Variants in CDH18 observed in about 807,000 individuals in gnomAD.
CDH18 encodes the protein cadherin 18.
CDH18 carries 31 observed loss-of-function variants against 67.9 expected under a neutral mutation model. The observed-to-expected ratio is 0.46, with a 90% CI of 0.34 to 0.62. CDH18 has a LOEUF of 0.62. Among genes scored for constraint, CDH18 ranks in the 20% least tolerant of loss-of-function variants. CDH18 has a pLI of 0.01. For synonymous variants in CDH18, 362 were observed against 347.2 expected, an observed-to-expected ratio of 1.04 and a Z score of -0.48; for missense variants, 890 against 975.5, an observed-to-expected ratio of 0.91 and a Z score of 1.17.
chr5:19,776,402 T>A (rs527263585), intron 3 of CDH18, among the ~76,000 whole-genome samples: 18 of 152,310 alleles, frequency 1.2e-4, no homozygotes, highest in Admixed American at 6.5e-4. Flanking sequence ...AAAGCATTGA[T>A]AACGGTCTGT....
intron 2 of CDH18, among the ~76,000 whole-genome samples, chr5:20,216,165 A>G (rs1371250798): frequency 6.6e-6 from 1 of 151,920 alleles, no homozygotes; most frequent in Non-Finnish European, 1.5e-5. Context: ...AACATGAAAG[A>G]TAAATGATCA....
intron 3 of CDH18, among the ~76,000 whole-genome samples, chr5:19,832,696 A>G (rs1313991752): frequency 6.6e-6 from 1 of 152,248 alleles, no homozygotes; most frequent in East Asian, 1.9e-4. Context: ...TCTTGAGTTA[A>G]TGTTCGTATA....
intron 3 of CDH18, among the ~76,000 whole-genome samples, chr5:19,748,573 A>T (rs1043894252): frequency 2.6e-5 from 4 of 152,262 alleles, no homozygotes; most frequent in African/African-American, 9.6e-5. Context: ...CCTTTATATT[A>T]AACCTTTTTG....
chr5:19,817,373 T>C (rs1779403155), intron 3 of CDH18, among the ~76,000 whole-genome samples: 1 of 151,922 alleles, frequency 6.6e-6, no homozygotes, highest in Non-Finnish European at 1.5e-5. Flanking sequence ...CAGAAATCTC[T>C]CCTACAGATA....
intron 7 of CDH18, among the ~76,000 whole-genome samples, chr5:19,582,105 T>G (rs928093300): frequency 6.6e-6 from 1 of 152,012 alleles, no homozygotes; most frequent in African/African-American, 2.4e-5. Flanking sequence ...TTCAAATAGC[T>G]TAAGTATACA....
intron 4 of CDH18, among the ~76,000 whole-genome samples, chr5:19,728,698 T>A (rs1027290149): frequency 6.6e-6 from 1 of 152,182 alleles, no homozygotes; most frequent in Non-Finnish European, 1.5e-5. Flanking sequence ...CTGCAAATTG[T>A]TATGCATGAC....
At chr5:19,919,092 T>C (rs1253586263) in intron 2 of CDH18, among the ~76,000 whole-genome samples, 2 of 151,976 alleles carry the variant, frequency 1.3e-5, no homozygotes, top group Non-Finnish European at 2.9e-5. Flanking sequence ...AGAAACCCCA[T>C]AGAAAACCCT....
intron 1 of CDH18, among the ~76,000 whole-genome samples, chr5:20,275,662 GAT>G (rs1266310499): frequency 6.6e-6 from 1 of 152,122 alleles, no homozygotes; most frequent in Non-Finnish European, 1.5e-5. Flanking sequence ...AGCCTTCACT[GAT>G]TAACCTCCCT....
intron 4 of CDH18, among the ~76,000 whole-genome samples, chr5:19,738,471 T>G (rs1349125210): frequency 1.3e-5 from 2 of 152,254 alleles, no homozygotes; most frequent in African/African-American, 2.4e-5. Context: ...GCCAAGAATC[T>G]CTGACTGGTT....
chr5:20,317,953 A>G lies in CDH18; in HGVS notation c.-579-62448T>C, dbSNP rs79408630. 5.3e-5 allele frequency among the ~76,000 whole-genome samples: 8 copies of G among 152,336 alleles called. No homozygotes were observed. The East Asian group carries it at 1.5e-3, about 29-fold the overall frequency. On this transcript the variant is annotated intron_variant, in intron 1 of 14. Transcript: ENST00000507958. Reference sequence around the variant, plus strand: ...TTCAACTAATTTTGTAAACTGCTGCATAGTATATTCTCTACTTGGACTTTA... The same window carrying G: ...TTCAACTAATTTTGTAAACTGCTGCGTAGTATATTCTCTACTTGGACTTTA...
At chr5:20,172,189 T>A (rs1736772124) in intron 2 of CDH18, among the ~76,000 whole-genome samples, 1 of 39,492 alleles carries the variant, frequency 2.5e-5, no homozygotes, top group African/African-American at 1.1e-4. Flanking sequence ...TAGCATTGTG[T>A]GTATATATAT....
chr5:19,586,385 G>C (rs575406234), intron 7 of CDH18, among the ~76,000 whole-genome samples: 1 of 151,790 alleles, frequency 6.6e-6, no homozygotes, highest in Non-Finnish European at 1.5e-5. Context: ...CTATAGGCCC[G>C]TGTGTGTTGT....
intron 3 of CDH18, among the ~76,000 whole-genome samples, chr5:19,769,297 C>A (rs772644290): frequency 2.3e-4 from 35 of 152,008 alleles, no homozygotes; most frequent in Non-Finnish European, 3.7e-4. Flanking sequence ...AAGCCAGAAT[C>A]CTGAAAGTAG....
intron 2 of CDH18, among the ~76,000 whole-genome samples, chr5:20,178,356 C>G (rs1186442352): frequency 6.6e-6 from 1 of 151,836 alleles, no homozygotes; most frequent in African/African-American, 2.4e-5. Flanking sequence ...ATCTATCCAT[C>G]TCTATCTAGC....
chr5:19,960,544 TAC>T (rs1296860490), intron 2 of CDH18, among the ~76,000 whole-genome samples: 1 of 129,170 alleles, frequency 7.7e-6, no homozygotes, highest in Non-Finnish European at 1.6e-5. Flanking sequence ...ATGTTTAATA[TAC>T]GTGTGTGTGT....
chr5:19,763,956 C>A (rs1195524584), intron 3 of CDH18, among the ~76,000 whole-genome samples: 1 of 133,368 alleles, frequency 7.5e-6, no homozygotes, highest in African/African-American at 2.8e-5. Flanking sequence ...TGAGACCAGC[C>A]TGACCAACAT....
intron 5 of CDH18, among the ~76,000 whole-genome samples, chr5:19,663,482 G>C (rs1246845634): frequency 1.3e-5 from 2 of 151,898 alleles, no homozygotes; most frequent in Non-Finnish European, 2.9e-5. Context: ...TAGCTTGCTA[G>C]AGAAGACCTG....
At position 19,753,395 on chromosome 5, in the gene CDH18, A is replaced by G. The variant is rs548570969; in HGVS notation, c.229-6159T>C. Among the ~76,000 whole-genome samples, 16 of 152,336 alleles carry G rather than the reference A, an allele frequency of 1.1e-4. No individual in the cohort carries two copies. The South Asian group carries it at 2.3e-3, about 22-fold the overall frequency. On this transcript the variant is annotated intron_variant, in intron 3 of 12. Coordinates refer to ENST00000382275, the MANE Select transcript of CDH18 (RefSeq NM_004934.5). ...CAGATAGAAATGCAAAATTTTCTGG[A>G]AAGTCTTAGCAATAAAATTCAACAA... is the stretch of plus-strand genomic sequence containing the variant.
At chr5:19,592,708 C>G (rs1348401182) in intron 6 of CDH18, among the ~76,000 whole-genome samples, 1 of 152,074 alleles carries the variant, frequency 6.6e-6, no homozygotes, top group Non-Finnish European at 1.5e-5. Flanking sequence ...ATCCGATAAA[C>G]AAATTTCTAC....
Sources: allele counts gnomAD v4.1 joint callset (sites outside exome capture counted in the v4.1 genomes callset), GRCh38; gene constraint gnomAD v4.1.1; transcripts MANE v1.5; gene names NCBI Gene and HGNC (gene_info 2026-07-23, HGNC 2026-07-21).